The following KAT7 variants were observed in gnomAD, a reference collection of about 807,000 sequenced individuals.
The protein encoded by KAT7 is histone acetyltransferase KAT7.
KAT7 carries 10 observed loss-of-function variants against 82.1 expected under a neutral mutation model. The observed-to-expected ratio is 0.12, with a 90% CI of 0.08 to 0.21. The LOEUF is 0.21. Ranked by LOEUF, KAT7 falls within the 10% of genes least tolerant of loss-of-function variation. The probability of loss-of-function intolerance (pLI) is 1.00; values close to 1 mark genes in which losing one functional copy is unlikely to be tolerated. For missense variants in KAT7, 378 were observed against 760.9 expected (o/e 0.50, Z 5.92); for synonymous variants, 250 against 262.5 (o/e 0.95, Z 0.46).
At chr17:49,806,482 C>G (rs1484424552) in intron 5 of KAT7, among the ~76,000 whole-genome samples, 1 of 151,962 alleles carries the variant, frequency 6.6e-6, no homozygotes, top group Non-Finnish European at 1.5e-5. Flanking sequence ...GTAGATCTTC[C>G]CATTGTCCTC....
intron 1 of KAT7, among the ~76,000 whole-genome samples, chr17:49,791,608 C>T (rs769771008): frequency 5.3e-5 from 8 of 152,116 alleles, no homozygotes; most frequent in Admixed American, 1.3e-4. Flanking sequence ...CAGTGAGCCA[C>T]GATTGCGCCC....
At chr17:49,803,646 G>C (rs913151721) in intron 4 of KAT7, among the ~76,000 whole-genome samples, 5 of 150,432 alleles carry the variant, frequency 3.3e-5, no homozygotes, top group Non-Finnish European at 1.5e-5. Flanking sequence ...GAATGGTCTC[G>C]ATCTCCTGAC....
intron 4 of KAT7, among the ~76,000 whole-genome samples, chr17:49,803,477 T>G (rs1006643110): frequency 6.6e-6 from 1 of 151,860 alleles, no homozygotes; most frequent in Non-Finnish European, 1.5e-5. Flanking sequence ...CAGGCAGGAG[T>G]GCAGTGGTGC....
intron 7 of KAT7, among the ~76,000 whole-genome samples, chr17:49,814,382 G>A (rs2074207896): frequency 6.6e-6 from 1 of 152,176 alleles, no homozygotes; most frequent in Non-Finnish European, 1.5e-5. Context: ...CCCCAGTCTT[G>A]TTCACTGTTT....
intron 1 of KAT7, among the ~76,000 whole-genome samples, chr17:49,790,151 T>A (rs754340663): frequency 9.9e-5 from 15 of 152,200 alleles, no homozygotes; most frequent in Non-Finnish European, 1.3e-4. Context: ...CACTTTTTAA[T>A]GTCTCCTAAA....
rs2074430684 is a variant in KAT7 at position 49,832,215 on chromosome 17, C to CA, written c.*4716dup. The CA allele has an allele frequency of 6.6e-6, 1 of 152,326 alleles. No homozygotes were observed. Among genetic ancestry groups the CA allele is most frequent in the African/African-American group, 2.4e-5 (1 of 41,444 alleles). 9.4% of individuals were successfully genotyped at this position (152,326 alleles called of 1,614,324 possible). ...AGGTGATCCACTCACCTCAGCCTCC[C>CA]AAAGTGCTGGGATTACAGGCAGGAG... On this transcript the variant is annotated 3_prime_UTR_variant, in exon 15 of 15. Coordinates refer to ENST00000259021, the MANE Select transcript of KAT7 (RefSeq NM_007067.5).
chr17:49,795,769 C>T (rs1028144450), intron 2 of KAT7: 3 of 225,918 alleles, frequency 1.3e-5, no homozygotes, highest in African/African-American at 4.6e-5. Context: ...GTTTCTGGTT[C>T]CCCTACACTA....
chr17:49,817,412 ATCTG>A (rs2074247406), intron 8 of KAT7, among the ~76,000 whole-genome samples: 2 of 152,168 alleles, frequency 1.3e-5, no homozygotes, highest in Admixed American at 1.3e-4. Flanking sequence ...TAGAAGCCAA[ATCTG>A]TCTGATTTTT....
Position 49,827,565 on chromosome 17 carries a change from C to T in KAT7, c.*63C>T, listed in dbSNP as rs781187169. ...AGGAATCCGTACCCTAGGGATCTGT[C>T]TGTCATTTCTCTGTTGCTCTTGTGA... On this transcript the variant is annotated 3_prime_UTR_variant, in exon 15 of 15. Coordinates refer to ENST00000259021, the MANE Select transcript of KAT7 (RefSeq NM_007067.5). The T allele has an allele frequency of 2.1e-6, 2 of 946,094 alleles. No individual in the cohort carries two copies. The highest frequency in any genetic ancestry group is 3.2e-5 in the African/African-American group (2 of 62,164). 58.6% of individuals were successfully genotyped at this position (946,094 alleles called of 1,614,324 possible).
rs375776451 is a variant in KAT7, at chr17:49,817,887, G to A, written c.1031G>A (p.Arg344His). ...SNMIKTIAFG[R>H]YELDTWYHSP... The stretch of plus-strand genomic sequence containing the variant: ...ATGATTAAAACAATTGCTTTTGGCC[G>A]CTATGAGCTTGATACCTGGTATCAT... Residue 344 changes from arginine to histidine, a missense_variant, in exon 9 of 15, where the codon CGC becomes CAC. Physicochemically the swap from Arg to His is conservative, Grantham distance 29 (BLOSUM62 0). Transcript: ENST00000259021. 7.4e-6 allele frequency: 12 copies of A among 1,613,342 alleles called. No homozygotes were observed. In the South Asian group the frequency reaches 8.8e-5, roughly 12 times the overall value.
At chr17:49,803,142 T>C (rs2074045989) in intron 4 of KAT7, among the ~76,000 whole-genome samples, 2 of 151,984 alleles carry the variant, frequency 1.3e-5, no homozygotes, top group African/African-American at 4.8e-5. Flanking sequence ...GGAATCTTGC[T>C]CTGTTGCCCA....
intron 5 of KAT7, among the ~76,000 whole-genome samples, chr17:49,807,897 A>G (rs1366475944): frequency 6.6e-6 from 1 of 152,018 alleles, no homozygotes; most frequent in East Asian, 1.9e-4. Flanking sequence ...CAGTATTGCC[A>G]TTTATTAATA....
intron 12 of KAT7, among the ~76,000 whole-genome samples, chr17:49,825,719 G>A (rs1463211878): frequency 3.3e-5 from 5 of 152,192 alleles, no homozygotes; most frequent in Admixed American, 2.6e-4. Flanking sequence ...TATAGGATTT[G>A]GTACTACCCA....
Position 49,829,519 on chromosome 17 carries a change from T to C in KAT7, c.*2017T>C, listed in dbSNP as rs1487718291. 1.3e-5 allele frequency: 2 copies of C among 152,226 alleles called. No homozygotes were observed. Among genetic ancestry groups the C allele is most frequent in the Non-Finnish European group, 2.9e-5 (2 of 68,032 alleles). The allele number at this position is 152,226 out of a possible 1,614,324, so 9.4% of individuals were successfully genotyped here. A position where few individuals can be genotyped will look rare whatever the true frequency, so the allele number is the denominator to read the frequency against. On this transcript the variant is annotated 3_prime_UTR_variant, in exon 15 of 15. Transcript: ENST00000259021. Reference sequence around the variant, plus strand: ...AAGCTCATTCACCAGTATTGAGCAGTGTCACCTCTAATTATTGACTCTCTC... The same window carrying C: ...AAGCTCATTCACCAGTATTGAGCAGCGTCACCTCTAATTATTGACTCTCTC...
chr17:49,816,750 G>A (rs1190540769), intron 8 of KAT7, among the ~76,000 whole-genome samples: 6 of 151,996 alleles, frequency 3.9e-5, no homozygotes, highest in Non-Finnish European at 8.8e-5. Context: ...CTTTACACCT[G>A]GTTATGCTTA....
chr17:49,818,861 C>T (rs1437322423), intron 9 of KAT7, among the ~76,000 whole-genome samples: 1 of 152,112 alleles, frequency 6.6e-6, no homozygotes, highest in Non-Finnish European at 1.5e-5. Context: ...GCCTCAGCCT[C>T]CTGAGTACCT....
At chr17:49,791,799 G>T in intron 1 of KAT7, 87 bp from the exon 2 acceptor site, 1 of 1,347,996 alleles carries the variant, frequency 7.4e-7, no homozygotes. Flanking sequence ...GGGGTTTTCA[G>T]TGTCACAGCT....
chr17:49,828,776 C>T lies in KAT7; in HGVS notation c.*1274C>T, dbSNP rs929105225. 6.5e-6 allele frequency: 1 copy of T among 153,250 alleles called. No homozygotes were observed. Among genetic ancestry groups the T allele is most frequent in the Non-Finnish European group, 1.5e-5 (1 of 68,038 alleles). 9.5% of individuals were successfully genotyped at this position (153,250 alleles called of 1,614,324 possible). A position where few individuals can be genotyped will look rare whatever the true frequency, so the allele number is the denominator to read the frequency against. On this transcript the variant is annotated 3_prime_UTR_variant, in exon 15 of 15. Transcript: ENST00000259021. Reference sequence around the variant, plus strand: ...CAACTTTTGATGTATGACATGTCACCCTTCCCAACTTGGTCTCCTCCAACA... The same window carrying T: ...CAACTTTTGATGTATGACATGTCACTCTTCCCAACTTGGTCTCCTCCAACA...
At chr17:49,817,741 A>G in intron 8 of KAT7, 79 bp from the exon 9 acceptor site, 1 of 1,159,624 alleles carries the variant, frequency 8.6e-7, no homozygotes, top group Non-Finnish European at 1.2e-6. Flanking sequence ...TGTTGGGATT[A>G]CAGGAGCCAC....
Sources: gnomAD v4.1 joint callset for allele counts (sites outside exome capture counted in the v4.1 genomes callset) on GRCh38, gnomAD v4.1.1 for gene constraint, MANE v1.5 for transcripts, NCBI Gene and HGNC (gene_info 2026-07-23, HGNC 2026-07-21) for gene names.